Variants in NALF1 observed in about 807,000 individuals in gnomAD.
The protein encoded by NALF1 is NALCN channel auxiliary factor 1, also known as family with sequence similarity 155 member A.
A neutral mutation model predicts 48.4 loss-of-function variants in NALF1; 3 were observed. That is an observed-to-expected ratio of 0.06 (90% CI 0.03 to 0.16). The LOEUF (loss-of-function observed/expected upper bound fraction) is 0.16, where lower values mean the gene tolerates loss of function less well. NALF1 is among the 10% of genes least tolerant of loss of function. The probability of loss-of-function intolerance (pLI) is 1.00; values close to 1 mark genes in which losing one functional copy is unlikely to be tolerated. For synonymous variants in NALF1, 262 were observed against 245.7 expected (o/e 1.07, Z -0.62); for missense variants, 526 against 571.5 (o/e 0.92, Z 0.81).
At chr13:107,233,768 A>T (rs1265414396) in intron 1 of NALF1, among the ~76,000 whole-genome samples, 2 of 152,212 alleles carry the variant, frequency 1.3e-5, no homozygotes, top group African/African-American at 4.8e-5. Context: ...CTGAACAACT[A>T]CATTTACCAC....
intron 1 of NALF1, among the ~76,000 whole-genome samples, chr13:107,748,533 T>C (rs1264240412): frequency 6.6e-6 from 1 of 152,228 alleles, no homozygotes; most frequent in Non-Finnish European, 1.5e-5. Flanking sequence ...TGCCTATTAC[T>C]GACGAATCTC....
At chr13:107,860,599 T>C (rs1178298904) in intron 1 of NALF1, among the ~76,000 whole-genome samples, 6 of 152,170 alleles carry the variant, frequency 3.9e-5, no homozygotes, top group Admixed American at 3.3e-4. Context: ...ATCTAGAGTA[T>C]ATGTTAACTG....
intron 1 of NALF1, among the ~76,000 whole-genome samples, chr13:107,715,721 G>C (rs947554259): frequency 6.6e-6 from 1 of 152,218 alleles, no homozygotes; most frequent in African/African-American, 2.4e-5. Context: ...CGACACCACA[G>C]TGTGCCCTTC....
intron 1 of NALF1, among the ~76,000 whole-genome samples, chr13:107,224,416 T>C (rs1045352965): frequency 6.7e-6 from 1 of 149,302 alleles, no homozygotes; most frequent in African/African-American, 2.4e-5. Flanking sequence ...TTTTGAATTA[T>C]GTATATAATA....
At chr13:107,740,971 G>A (rs34596371) in intron 1 of NALF1, among the ~76,000 whole-genome samples, 10,527 of 152,296 alleles carry the variant, frequency 0.069, 479 homozygotes, top group South Asian at 0.16. Flanking sequence ...CTAGGGGGCA[G>A]TGATCATGAT....
chr13:107,637,861 T>C (rs1479574328), intron 1 of NALF1, among the ~76,000 whole-genome samples: 2 of 152,106 alleles, frequency 1.3e-5, no homozygotes, highest in South Asian at 2.1e-4. Flanking sequence ...ACCATCCCAT[T>C]CTCTGTCTAC....
At chr13:107,605,564 A>C (rs1879043388) in intron 1 of NALF1, among the ~76,000 whole-genome samples, 1 of 152,282 alleles carries the variant, frequency 6.6e-6, no homozygotes, top group Admixed American at 6.5e-5. Flanking sequence ...TGGGTTTCAC[A>C]GGAAAAAAAA....
Position 107,866,333 on chromosome 13 carries a change from C to T in NALF1, c.264G>A (p.Gln88=). ...QQQQQQQQQR[Q]RQQQQQQRRQ... ...GCCGCTGCTGCTGCTGCTGCTGCCGCTGCCTCTGCTGCTGCTGCTGCTGCT... is the reference window on the plus strand; with the variant it reads ...GCCGCTGCTGCTGCTGCTGCTGCCGTTGCCTCTGCTGCTGCTGCTGCTGCT... The change falls in exon 1 of 3, where the codon CAG becomes CAA. Residue 88 remains glutamine (Q), a synonymous_variant. Coordinates refer to ENST00000375915, the MANE Select transcript of NALF1 (RefSeq NM_001080396.3). This position sits in a 1 kb window ranked among gnomAD's most constrained non-coding sequence, Gnocchi z 4.4. 6.2e-7 allele frequency: 1 copy of T among 1,610,186 alleles called. No homozygotes were observed. The highest frequency in any genetic ancestry group is 8.5e-7 in the Non-Finnish European group (1 of 1,179,200).
intron 1 of NALF1, among the ~76,000 whole-genome samples, chr13:107,282,838 C>T (rs1881415637): frequency 6.6e-6 from 1 of 152,152 alleles, no homozygotes; most frequent in Non-Finnish European, 1.5e-5. Flanking sequence ...AATCTACTTC[C>T]CAAATCCTCT....
chr13:107,600,510 T>G (rs1027689730), intron 1 of NALF1, among the ~76,000 whole-genome samples: 13 of 152,212 alleles, frequency 8.5e-5, no homozygotes, highest in African/African-American at 3.1e-4. Flanking sequence ...TAATTCAATA[T>G]TCATAAAAAC....
chr13:107,392,146 C>T (rs1206412624), intron 1 of NALF1, among the ~76,000 whole-genome samples: 2 of 152,054 alleles, frequency 1.3e-5, no homozygotes, highest in Non-Finnish European at 2.9e-5. Context: ...TGCTTGTCTC[C>T]CTTTGTTGCT....
chr13:107,201,374 A>C (rs1208794866), intron 2 of NALF1, among the ~76,000 whole-genome samples: 1 of 152,214 alleles, frequency 6.6e-6, no homozygotes, highest in Non-Finnish European at 1.5e-5. Context: ...CAGGAGATCG[A>C]GACCAGCCTG....
intron 1 of NALF1, among the ~76,000 whole-genome samples, chr13:107,363,290 G>T (rs1883097435): frequency 6.6e-6 from 1 of 152,254 alleles, no homozygotes; most frequent in Middle Eastern, 3.4e-3. Flanking sequence ...TATCTGATTT[G>T]TTCATAATAA....
At chr13:107,669,740 A>C (rs1054463046) in intron 1 of NALF1, among the ~76,000 whole-genome samples, 2 of 152,144 alleles carry the variant, frequency 1.3e-5, no homozygotes, top group African/African-American at 4.8e-5. Context: ...ATAAGCAAGC[A>C]GTCCCTTGGC....
In NALF1 at chr13:107,850,496, C is replaced by T. The variant is rs74112682; in HGVS notation, c.915+15186G>A. On this transcript the variant is annotated intron_variant, in intron 1 of 2. Coordinates refer to ENST00000375915, the MANE Select transcript of NALF1 (RefSeq NM_001080396.3). Reference sequence around the variant, plus strand: ...ATACACACGAAAAGCCGAATCATGGCCATTAGGGATTCAGTTTCTTCCAGT... The same window carrying T: ...ATACACACGAAAAGCCGAATCATGGTCATTAGGGATTCAGTTTCTTCCAGT... Among the ~76,000 whole-genome samples the T allele has an allele frequency of 8.3e-3, 1,264 of 152,226 alleles. 13 individuals are homozygous for T. Among genetic ancestry groups the T allele is most frequent in the African/African-American group, 0.029 (1,189 of 41,538 alleles).
At chr13:107,206,631 T>A (rs1041506201) in intron 2 of NALF1, among the ~76,000 whole-genome samples, 1 of 152,140 alleles carries the variant, frequency 6.6e-6, no homozygotes, top group East Asian at 1.9e-4. Flanking sequence ...TTGTGAATAA[T>A]AGGAATCCTA....
intron 1 of NALF1, among the ~76,000 whole-genome samples, chr13:107,421,691 G>A (rs1054393126): frequency 8.5e-5 from 13 of 152,142 alleles, no homozygotes; most frequent in Admixed American, 3.3e-4. Flanking sequence ...TATCACAAAT[G>A]CAGCAAAATG....
Position 107,166,337 on chromosome 13 carries a change from T to C in NALF1, c.*4160A>G, listed in dbSNP as rs1384298227. 3 of 152,186 alleles carry C rather than the reference T, an allele frequency of 2.0e-5. No homozygotes were observed. The highest frequency in any genetic ancestry group is 4.4e-5 in the Non-Finnish European group (3 of 68,084). 9.4% of individuals were successfully genotyped at this position (152,186 alleles called of 1,614,324 possible). A position where few individuals can be genotyped will look rare whatever the true frequency, so the allele number is the denominator to read the frequency against. ...GAGAGGCTTGAGGCAGGAGAATCGC[T>C]TGAACCCAGGAAGTGGAGGTTGCAG... On this transcript the variant is annotated 3_prime_UTR_variant, in exon 3 of 3. Transcript: ENST00000375915.
intron 1 of NALF1, among the ~76,000 whole-genome samples, chr13:107,255,131 C>T (rs9520348): frequency 0.51 from 78,275 of 151,998 alleles, 22,855 homozygotes; most frequent in South Asian, 0.69. Context: ...CACTTACAGA[C>T]CTGCCATTCC....
Sources: gnomAD v4.1 joint callset for allele counts (sites outside exome capture counted in the v4.1 genomes callset) on GRCh38, gnomAD v4.1.1 for gene constraint, Gnocchi (gnomAD v3.1) non-coding constraint, MANE v1.5 for transcripts, NCBI Gene and HGNC (gene_info 2026-07-23, HGNC 2026-07-21) for gene names.